Variants in GTF2IRD1 observed in about 807,000 individuals in gnomAD.
GTF2IRD1 encodes the protein GTF2I repeat domain containing 1, also known as general transcription factor II-I repeat domain-containing protein 1.
A neutral mutation model predicts 113.2 loss-of-function variants in GTF2IRD1; 26 were observed. That is an observed-to-expected ratio of 0.23 (90% CI 0.17 to 0.32). The LOEUF is 0.32. Ranked by LOEUF, GTF2IRD1 falls within the 10% of genes least tolerant of loss-of-function variation. GTF2IRD1 has a pLI of 1.00. For synonymous variants in GTF2IRD1, 484 were observed against 529.1 expected, an observed-to-expected ratio of 0.91 and a Z score of 1.17; for missense variants, 864 against 1,280.8, an observed-to-expected ratio of 0.67 and a Z score of 4.97.
chr7:74,573,401 C>CAA (rs782809767), intron 22 of GTF2IRD1, among the ~76,000 whole-genome samples: 9 of 122,926 alleles, frequency 7.3e-5, no homozygotes, highest in East Asian at 4.7e-4. Context: ...GACCTTCTCT[C>CAA]AAAAAAAAAA....
In GTF2IRD1 at chr7:74,587,043, G is replaced by A. The variant is rs1292352092; in HGVS notation, c.2321-2808G>A. Among the ~76,000 whole-genome samples, 2 of 152,190 alleles carry A rather than the reference G, an allele frequency of 1.3e-5. 1 individual carries two copies. Among genetic ancestry groups the A allele is most frequent in the Admixed American group, 1.3e-4 (2 of 15,276 alleles). On this transcript the variant is annotated intron_variant, in intron 22 of 26. Coordinates refer to ENST00000424337, the MANE Select transcript of GTF2IRD1 (RefSeq NM_005685.4). Reference sequence around the variant, plus strand: ...CATGCCTGGAGCCCCAGCTACTTGAGAGGCTGAGTGGGGAGGATTGCTTGA... The same window carrying A: ...CATGCCTGGAGCCCCAGCTACTTGAAAGGCTGAGTGGGGAGGATTGCTTGA...
chr7:74,575,137 G>C (rs1055425878), intron 22 of GTF2IRD1, among the ~76,000 whole-genome samples: 5 of 152,146 alleles, frequency 3.3e-5, no homozygotes, highest in African/African-American at 7.2e-5. Context: ...AGCCTACATG[G>C]TGGGGCGGGG....
intron 22 of GTF2IRD1, among the ~76,000 whole-genome samples, chr7:74,568,548 T>A (rs184667265): frequency 6.7e-4 from 102 of 151,882 alleles, no homozygotes; most frequent in Non-Finnish European, 1.2e-3. Context: ...CTTGGGAGGC[T>A]GAGTCAGGAG....
chr7:74,567,084 C>T (rs1800365893), intron 22 of GTF2IRD1, among the ~76,000 whole-genome samples: 2 of 152,138 alleles, frequency 1.3e-5, no homozygotes, highest in Non-Finnish European at 2.9e-5. Flanking sequence ...AATCCTAGCA[C>T]TTTGGGAGGC....
At chr7:74,466,134 C>A (rs571916651) in intron 1 of GTF2IRD1, among the ~76,000 whole-genome samples, 2 of 152,314 alleles carry the variant, frequency 1.3e-5, no homozygotes, top group Non-Finnish European at 2.9e-5. Context: ...GGTTGGTCCC[C>A]TTGGCCTGCC....
intron 22 of GTF2IRD1, chr7:74,571,096 G>A (rs1337374162): frequency 1.0e-6 from 1 of 985,274 alleles, no homozygotes; most frequent in African/African-American, 1.7e-5. Context: ...GGAAGGCAGC[G>A]CCCCACCTCT....
intron 17 of GTF2IRD1, among the ~76,000 whole-genome samples, chr7:74,553,983 G>A (rs1799461376): frequency 2.0e-5 from 3 of 152,160 alleles, no homozygotes; most frequent in Non-Finnish European, 4.4e-5. Context: ...GCACTGTACA[G>A]AAGCCTAAGA....
At chr7:74,498,855 A>G (rs1795870313) in intron 1 of GTF2IRD1, among the ~76,000 whole-genome samples, 1 of 151,354 alleles carries the variant, frequency 6.6e-6, no homozygotes, top group Non-Finnish European at 1.5e-5. Flanking sequence ...CGGCCTCCCT[A>G]GTAGCTGGGA....
intron 22 of GTF2IRD1, among the ~76,000 whole-genome samples, chr7:74,585,438 T>TA (rs1801667087): frequency 1.3e-5 from 2 of 152,256 alleles, no homozygotes; most frequent in South Asian, 4.1e-4. Context: ...AGAGGCCTGC[T>TA]AAGCTTCTTT....
At chr7:74,597,144 G>T (rs1362307353) in intron 25 of GTF2IRD1, among the ~76,000 whole-genome samples, 7 of 151,990 alleles carry the variant, frequency 4.6e-5, no homozygotes, top group Non-Finnish European at 1.0e-4. Flanking sequence ...CCGGGTTCAA[G>T]TGATTCTCCT....
intron 1 of GTF2IRD1, among the ~76,000 whole-genome samples, chr7:74,473,426 G>A (rs1324234530): frequency 6.6e-6 from 1 of 151,844 alleles, no homozygotes; most frequent in African/African-American, 2.4e-5. Context: ...GGCAGCTCAG[G>A]GCTTTTTTTT....
Position 74,602,598 on chromosome 7 carries a change from A to G in GTF2IRD1, c.*165A>G. On this transcript the variant is annotated 3_prime_UTR_variant, in exon 27 of 27. Coordinates refer to ENST00000424337, the MANE Select transcript of GTF2IRD1 (RefSeq NM_005685.4). Reference sequence around the variant, plus strand: ...TTTAAATAAGTAAAAAAAGAAAAAAAAAAAAAAGAGTGTTGCCTTTACTTT... The same window carrying G: ...TTTAAATAAGTAAAAAAAGAAAAAAGAAAAAAAGAGTGTTGCCTTTACTTT... 1.9e-6 allele frequency: 1 copy of G among 515,262 alleles called. No homozygotes were observed. The highest frequency in any genetic ancestry group is 3.1e-5 in the South Asian group (1 of 32,416). The allele number at this position is 515,262 out of a possible 1,614,324, so 31.9% of individuals were successfully genotyped here.
intron 17 of GTF2IRD1, among the ~76,000 whole-genome samples, chr7:74,553,708 C>T (rs1398907796): frequency 6.6e-6 from 1 of 152,188 alleles, no homozygotes; most frequent in African/African-American, 2.4e-5. Context: ...CCTCCTGTTA[C>T]TCCCTGTGGC....
chr7:74,581,465 G>A (rs1291441417), intron 22 of GTF2IRD1, among the ~76,000 whole-genome samples: 25 of 152,218 alleles, frequency 1.6e-4, no homozygotes, highest in Admixed American at 1.5e-3. Flanking sequence ...TGAAGGGCCC[G>A]GTATTGCTCC....
intron 22 of GTF2IRD1, among the ~76,000 whole-genome samples, chr7:74,570,289 A>T (rs1466318430): frequency 6.6e-6 from 1 of 151,336 alleles, no homozygotes; most frequent in Non-Finnish European, 1.5e-5. Context: ...CTTGAACCTG[A>T]GACGCAGAGG....
rs1554356463 is a variant in GTF2IRD1 at position 74,555,399 on chromosome 7, C to A, written c.1967-39C>A. On this transcript the variant is annotated intron_variant, in intron 18 of 26. Coordinates refer to ENST00000424337, the MANE Select transcript of GTF2IRD1 (RefSeq NM_005685.4). The surrounding 1 kb of genome is among the most constrained non-coding windows in gnomAD (Gnocchi z 5.3). ...ATGCCATCTTGGGTCCCAGGAACTG[C>A]CTCCTCACTTGGCTTCTCTCCCCCT... is the stretch of plus-strand genomic sequence containing the variant. 2.5e-6 allele frequency: 4 copies of A among 1,611,874 alleles called. No homozygotes were observed. The South Asian group carries it at 4.4e-5, about 18-fold the overall frequency.
chr7:74,518,365 A>G (rs1300560899), intron 5 of GTF2IRD1, 43 bp downstream of exon 5: 3 of 1,496,174 alleles, frequency 2.0e-6, no homozygotes, highest in Admixed American at 2.0e-5. Flanking sequence ...GGGCTGGGCC[A>G]GGGCCGGGTC....
At chr7:74,592,897 G>A (rs587699853) in intron 24 of GTF2IRD1, among the ~76,000 whole-genome samples, 8 of 151,916 alleles carry the variant, frequency 5.3e-5, no homozygotes, top group South Asian at 2.1e-4. Context: ...TTGCTCTGTC[G>A]CCCTGGCTGG....
At chr7:74,479,277 C>T (rs1420248716) in intron 1 of GTF2IRD1, among the ~76,000 whole-genome samples, 11 of 152,154 alleles carry the variant, frequency 7.2e-5, no homozygotes, top group South Asian at 2.1e-4. Context: ...CCAATGGCCA[C>T]GCTGGTCTCT....
Sources: gnomAD v4.1 joint callset for allele counts (sites outside exome capture counted in the v4.1 genomes callset) on GRCh38, gnomAD v4.1.1 for gene constraint, Gnocchi (gnomAD v3.1) non-coding constraint, MANE v1.5 for transcripts, NCBI Gene and HGNC (gene_info 2026-07-23, HGNC 2026-07-21) for gene names.